Variants in NUBPL observed in about 807,000 individuals in gnomAD.
NUBPL encodes NUBP iron-sulfur cluster assembly factor, mitochondrial.
In NUBPL, 31 loss-of-function variants were observed where a neutral mutation model predicts 45.7. The observed-to-expected ratio is 0.68, with a 90% CI of 0.51 to 0.92. The LOEUF (loss-of-function observed/expected upper bound fraction) is 0.92, where lower values mean the gene tolerates loss of function less well. Ranked by LOEUF, NUBPL falls within the 40% of genes least tolerant of loss-of-function variation. The probability of loss-of-function intolerance (pLI) is 0.00; values close to 1 mark genes in which losing one functional copy is unlikely to be tolerated. For missense variants in NUBPL, 401 were observed against 398.7 expected, an observed-to-expected ratio of 1.01 and a Z score of -0.05; for synonymous variants, 144 against 140.9, an observed-to-expected ratio of 1.02 and a Z score of -0.15.
chr14:31,562,273 A>C, intron 2 of NUBPL, 58 bp downstream of exon 2: 1 of 1,446,468 alleles, frequency 6.9e-7, no homozygotes, highest in Admixed American at 1.9e-5. Flanking sequence ...AGACAAGTGC[A>C]CACTATTGAA....
At chr14:31,625,923 A>G (rs1246445919) in intron 4 of NUBPL, among the ~76,000 whole-genome samples, 1 of 152,114 alleles carries the variant, frequency 6.6e-6, no homozygotes, top group Non-Finnish European at 1.5e-5. Context: ...TCAACCCTGT[A>G]CCCCGATAAG....
At chr14:31,858,994 A>T in intron 10 of NUBPL, 124 bp from the exon 11 acceptor site, 1 of 772,090 alleles carries the variant, frequency 1.3e-6, no homozygotes, top group East Asian at 2.7e-5. Context: ...CTCAATACTG[A>T]ATTTCCTCAT....
intron 7 of NUBPL, among the ~76,000 whole-genome samples, chr14:31,800,360 C>T (rs143071760): frequency 1.1e-4 from 16 of 152,248 alleles, no homozygotes; most frequent in African/African-American, 3.4e-4. Context: ...ATTAGGATTG[C>T]CATCCTATTA....
chr14:31,655,009 T>C (rs891923366), intron 4 of NUBPL, among the ~76,000 whole-genome samples: 1 of 152,214 alleles, frequency 6.6e-6, no homozygotes, highest in Non-Finnish European at 1.5e-5. Flanking sequence ...TATCTGTTTG[T>C]TTTACCATGA....
chr14:31,571,597 G>A (rs1328877397), intron 3 of NUBPL, among the ~76,000 whole-genome samples: 11 of 151,910 alleles, frequency 7.2e-5, no homozygotes, highest in African/African-American at 2.4e-4. Flanking sequence ...TTACAGGCAA[G>A]CACCACCATG....
chr14:31,733,299 G>T (rs775875091), intron 6 of NUBPL, among the ~76,000 whole-genome samples: 8 of 152,064 alleles, frequency 5.3e-5, no homozygotes, highest in Admixed American at 6.5e-5. Flanking sequence ...TAAGGCTTCT[G>T]GATTTGTTTG....
At chr14:31,803,302 A>G (rs2039626753) in intron 7 of NUBPL, among the ~76,000 whole-genome samples, 1 of 152,190 alleles carries the variant, frequency 6.6e-6, no homozygotes, top group Non-Finnish European at 1.5e-5. Flanking sequence ...TTTTTAAATA[A>G]CTATTTTTTC....
chr14:31,657,354 G>T (rs1162896000), intron 4 of NUBPL, among the ~76,000 whole-genome samples: 2 of 152,092 alleles, frequency 1.3e-5, no homozygotes, highest in East Asian at 3.9e-4. Flanking sequence ...ATATAGTAAG[G>T]CTTTTATTAT....
intron 3 of NUBPL, among the ~76,000 whole-genome samples, chr14:31,567,689 T>C (rs2139452960): frequency 6.6e-6 from 1 of 152,334 alleles, no homozygotes; most frequent in East Asian, 1.9e-4. Flanking sequence ...TCTCCGAGGA[T>C]GCTAATTGAA....
At chr14:31,669,546 G>T (rs2036519746) in intron 4 of NUBPL, among the ~76,000 whole-genome samples, 1 of 151,276 alleles carries the variant, frequency 6.6e-6, no homozygotes, top group African/African-American at 2.4e-5. Flanking sequence ...GGGGTTTGTT[G>T]TACATATTTC....
intron 4 of NUBPL, among the ~76,000 whole-genome samples, chr14:31,665,567 T>G (rs542727609): frequency 6.6e-6 from 1 of 152,328 alleles, no homozygotes; most frequent in African/African-American, 2.4e-5. Context: ...GAGTTCTAAC[T>G]TGATTGCACC....
chr14:31,714,721 A>G (rs780066337), intron 6 of NUBPL: 10 of 152,244 alleles, frequency 6.6e-5, no homozygotes, highest in Non-Finnish European at 1.2e-4. Flanking sequence ...ACATTTCAGC[A>G]TGAGATTTGG....
At chr14:31,709,704 T>A (rs2037528452) in intron 6 of NUBPL, among the ~76,000 whole-genome samples, 1 of 152,216 alleles carries the variant, frequency 6.6e-6, no homozygotes, top group Non-Finnish European at 1.5e-5. Context: ...TTGATCTGCT[T>A]TAAATCAGAG....
chr14:31,663,814 A>G (rs2036333258), intron 4 of NUBPL, among the ~76,000 whole-genome samples: 1 of 152,230 alleles, frequency 6.6e-6, no homozygotes, highest in African/African-American at 2.4e-5. Flanking sequence ...CATTCAATCT[A>G]TAAATTACTT....
At chr14:31,636,618 A>T (rs934367817) in intron 4 of NUBPL, among the ~76,000 whole-genome samples, 1 of 152,070 alleles carries the variant, frequency 6.6e-6, no homozygotes, top group Non-Finnish European at 1.5e-5. Context: ...ATGAGTTAGG[A>T]AGGATTTCCT....
At chr14:31,605,101 A>G (rs2034549040) in intron 4 of NUBPL, among the ~76,000 whole-genome samples, 2 of 152,232 alleles carry the variant, frequency 1.3e-5, no homozygotes, top group Admixed American at 1.3e-4. Context: ...TAAAGAACAA[A>G]TGCCAATTTT....
intron 6 of NUBPL, among the ~76,000 whole-genome samples, chr14:31,769,276 C>T (rs1226594585): frequency 1.3e-5 from 2 of 152,152 alleles, no homozygotes; most frequent in African/African-American, 2.4e-5. Flanking sequence ...TAATGTCTCT[C>T]TGGACTTGAT....
intron 4 of NUBPL, among the ~76,000 whole-genome samples, chr14:31,629,042 A>G (rs1358676329): frequency 1.3e-5 from 2 of 152,294 alleles, no homozygotes; most frequent in Non-Finnish European, 2.9e-5. Context: ...AACAAATACT[A>G]TATTCCCACC....
intron 6 of NUBPL, among the ~76,000 whole-genome samples, chr14:31,783,515 C>CT (rs71430995): frequency 0.37 from 47,874 of 129,208 alleles, 10,086 homozygotes; most frequent in Non-Finnish European, 0.46. Context: ...AATAGCAGTT[C>CT]TTTTTTTTTT....
Sources: gnomAD v4.1 joint callset for allele counts (sites outside exome capture counted in the v4.1 genomes callset) on GRCh38, gnomAD v4.1.1 for gene constraint, MANE v1.5 for transcripts, NCBI Gene and HGNC (gene_info 2026-07-23, HGNC 2026-07-21) for gene names.